The following HMBOX1 variants were observed in gnomAD, a reference collection of about 807,000 sequenced individuals.
The protein encoded by HMBOX1 is homeobox-containing protein 1.
A neutral mutation model predicts 54.5 loss-of-function variants in HMBOX1; 14 were observed. The observed-to-expected ratio is 0.26, with a 90% CI of 0.17 to 0.40. The LOEUF (loss-of-function observed/expected upper bound fraction) is 0.40. Ranked by LOEUF, HMBOX1 falls within the 10% of genes least tolerant of loss-of-function variation. The pLI is 1.00. For missense variants in HMBOX1, 332 were observed against 514.4 expected (o/e 0.65, Z 3.43); for synonymous variants, 160 against 181.0 (o/e 0.88, Z 0.93).
intron 4 of HMBOX1, among the ~76,000 whole-genome samples, chr8:29,007,597 C>T (rs1563570090): frequency 6.6e-6 from 1 of 152,018 alleles, no homozygotes; most frequent in African/African-American, 2.4e-5. Flanking sequence ...GCAGGAGGAC[C>T]ACTTGAGCCC....
intron 1 of HMBOX1, chr8:28,915,637 T>A (rs1816401379): frequency 6.6e-6 from 1 of 151,202 alleles, no homozygotes; most frequent in South Asian, 2.1e-4. Context: ...TTCACAGGTG[T>A]ATGAGAGTTT....
chr8:28,993,989 T>C (rs2132636469), intron 4 of HMBOX1, among the ~76,000 whole-genome samples: 1 of 152,192 alleles, frequency 6.6e-6, no homozygotes, highest in Non-Finnish European at 1.5e-5. Context: ...GCCAACATTA[T>C]GAAACCTGTC....
intron 9 of HMBOX1, chr8:29,050,491 T>C (rs1369219224): frequency 6.5e-6 from 1 of 153,156 alleles, no homozygotes; most frequent in East Asian, 1.9e-4. Context: ...ATGTGTCCTG[T>C]TGTAATGGAG....
chr8:28,933,261 C>T (rs1343554995), intron 1 of HMBOX1, among the ~76,000 whole-genome samples: 2 of 152,164 alleles, frequency 1.3e-5, no homozygotes, highest in Non-Finnish European at 2.9e-5. Flanking sequence ...CTCTCCAAGT[C>T]CATGATCTCT....
At chr8:28,944,958 A>G (rs1199157565) in intron 1 of HMBOX1, among the ~76,000 whole-genome samples, 3 of 152,080 alleles carry the variant, frequency 2.0e-5, no homozygotes, top group Non-Finnish European at 4.4e-5. Flanking sequence ...ATACCTGCCT[A>G]GCTCTGGATT....
At chr8:28,909,054 C>T (rs1294491268) in intron 1 of HMBOX1, among the ~76,000 whole-genome samples, 1 of 150,490 alleles carries the variant, frequency 6.6e-6, no homozygotes, top group Non-Finnish European at 1.5e-5. Flanking sequence ...ATGATCGCAC[C>T]ACTACACTCC....
chr8:28,931,134 T>C (rs1448736075), intron 1 of HMBOX1, among the ~76,000 whole-genome samples: 3 of 152,240 alleles, frequency 2.0e-5, no homozygotes, highest in Non-Finnish European at 4.4e-5. Context: ...TTAAACTTAA[T>C]AGTAATTTTT....
At chr8:28,897,210 C>T (rs1254458465) in intron 1 of HMBOX1, among the ~76,000 whole-genome samples, 1 of 151,880 alleles carries the variant, frequency 6.6e-6, no homozygotes, top group Middle Eastern at 3.4e-3. Context: ...GTCTCGAATC[C>T]CCCCTCAGGT....
At chr8:29,009,714 A>G in intron 5 of HMBOX1, 1 of 1,287,772 alleles carries the variant, frequency 7.8e-7, no homozygotes, top group Non-Finnish European at 1.0e-6. Context: ...TCCCAGGAGC[A>G]GCAGTAGATT....
intron 1 of HMBOX1, among the ~76,000 whole-genome samples, chr8:28,945,199 CT>C (rs778949656): frequency 6.6e-6 from 1 of 152,198 alleles, no homozygotes; most frequent in African/African-American, 2.4e-5. Context: ...TAGGTGCCTA[CT>C]TTAGGAGCTT....
intron 1 of HMBOX1, among the ~76,000 whole-genome samples, chr8:28,900,271 A>AAATATATATATATATATATATATAT (rs747317282): frequency 1.4e-5 from 1 of 70,334 alleles, no homozygotes; most frequent in African/African-American, 4.6e-5. Flanking sequence ...AAAAAAAAAA[A>AAATATATATATATATATATATATAT]ATATATATAT....
intron 3 of HMBOX1, among the ~76,000 whole-genome samples, chr8:28,979,703 T>C (rs2132468609): frequency 6.6e-6 from 1 of 152,340 alleles, no homozygotes; most frequent in South Asian, 2.1e-4. Flanking sequence ...CTCTTTATTT[T>C]TCTAGGATTT....
At chr8:29,045,902 T>G (rs1246289528) in intron 7 of HMBOX1, among the ~76,000 whole-genome samples, 1 of 152,228 alleles carries the variant, frequency 6.6e-6, no homozygotes, top group East Asian at 1.9e-4. Flanking sequence ...TTCTATCTCC[T>G]TTCCACATTG....
rs1034705450 is a variant in HMBOX1 at position 29,050,283 on chromosome 8, C to T, written c.1126-735C>T. 6 of 907,890 alleles carry T rather than the reference C, an allele frequency of 6.6e-6. No homozygotes were observed. The African/African-American group carries it at 1.1e-4, about 16-fold the overall frequency. 56.2% of individuals were successfully genotyped at this position (907,890 alleles called of 1,614,324 possible). A position where few individuals can be genotyped will look rare whatever the true frequency, so the allele number is the denominator to read the frequency against. ...GAAACATACCCCTTATTTGTAACAC[C>T]ATCTTCAGTGCCTGACGTACATCCT... On this transcript the variant is annotated intron_variant, in intron 9 of 9. Coordinates refer to ENST00000287701, the MANE Select transcript of HMBOX1 (RefSeq NM_001135726.3).
chr8:28,918,495 G>C (rs935571041), intron 1 of HMBOX1, among the ~76,000 whole-genome samples: 2 of 152,182 alleles, frequency 1.3e-5, no homozygotes, highest in Non-Finnish European at 2.9e-5. Context: ...GAGCCACCAC[G>C]CCTGGCCATG....
intron 1 of HMBOX1, among the ~76,000 whole-genome samples, chr8:28,920,045 G>T (rs1447621737): frequency 2.0e-5 from 3 of 151,860 alleles, no homozygotes; most frequent in Admixed American, 2.0e-4. Context: ...CACAGGGCTG[G>T]CTTATGAATA....
intron 1 of HMBOX1, among the ~76,000 whole-genome samples, chr8:28,921,802 T>C (rs1817611223): frequency 6.6e-6 from 1 of 152,158 alleles, no homozygotes; most frequent in Admixed American, 6.5e-5. Context: ...ATAAGTAAAA[T>C]ACAAAAGCTC....
intron 4 of HMBOX1, among the ~76,000 whole-genome samples, chr8:28,986,900 A>G (rs1830248263): frequency 6.6e-6 from 1 of 152,122 alleles, no homozygotes; most frequent in Non-Finnish European, 1.5e-5. Context: ...ACCACATCCA[A>G]ATGCCCATAT....
chr8:28,911,583 T>C (rs1246640540), intron 1 of HMBOX1, among the ~76,000 whole-genome samples: 1 of 152,116 alleles, frequency 6.6e-6, no homozygotes, highest in Non-Finnish European at 1.5e-5. Flanking sequence ...CTTGAACTTC[T>C]GACCTCAAAT....
Sources: gnomAD v4.1 joint callset for allele counts (sites outside exome capture counted in the v4.1 genomes callset) on GRCh38, gnomAD v4.1.1 for gene constraint, MANE v1.5 for transcripts, NCBI Gene and HGNC (gene_info 2026-07-23, HGNC 2026-07-21) for gene names.